STRAP: variants seen among roughly 807,000 people sequenced by gnomAD.
STRAP encodes the protein serine/threonine kinase receptor associated protein, also known as serine-threonine kinase receptor-associated protein.
Under a neutral mutation model 47.0 loss-of-function variants are expected in STRAP, and 16 were observed. The observed-to-expected ratio is 0.34, with a 90% CI of 0.23 to 0.52. The LOEUF (loss-of-function observed/expected upper bound fraction) is 0.52, where lower values mean the gene tolerates loss of function less well. Ranked by LOEUF, STRAP falls within the 20% of genes least tolerant of loss-of-function variation. The pLI is 0.96. For synonymous variants in STRAP, 130 were observed against 142.7 expected (o/e 0.91, Z 0.63); for missense variants, 293 against 420.0 (o/e 0.70, Z 2.64).
Position 15,885,488 on chromosome 12 carries a change from C to CTTTTTTTTTT in STRAP, c.248+1821_248+1830dup, listed in dbSNP as rs5796649. ...ACAGGTGTGAGCCACCGTGCCTGGC[C>CTTTTTTTTTT]TTTTTTTTTTTTTTTTTTAACAACC... On this transcript the variant is annotated intron_variant, in intron 2 of 9. Coordinates refer to ENST00000419869, the MANE Select transcript of STRAP (RefSeq NM_007178.4). Among the ~76,000 whole-genome samples, 27 of 132,466 alleles carry CTTTTTTTTTT rather than the reference C, an allele frequency of 2.0e-4. 1 individual carries two copies. The highest frequency in any genetic ancestry group is 7.7e-4 in the African/African-American group (26 of 33,942). 86.9% of individuals were successfully genotyped at this position (132,466 alleles called of 152,430 possible).
intron 2 of STRAP, 34 bp downstream of exon 2, chr12:15,883,710 C>G: frequency 6.2e-7 from 1 of 1,607,856 alleles, no homozygotes; most frequent in Middle Eastern, 1.7e-4. Context: ...CTTTGGTGTT[C>G]TCTGTAGCTT....
In STRAP at chr12:15,890,923, G is replaced by A. The variant is rs1209170119; in HGVS notation, c.403+254G>A. Among the ~76,000 whole-genome samples, 1 of 152,112 alleles carries A rather than the reference G, an allele frequency of 6.6e-6. No individual in the cohort carries two copies. The highest frequency in any genetic ancestry group is 1.5e-5 in the Non-Finnish European group (1 of 68,018). On this transcript the variant is annotated intron_variant, in intron 4 of 9. Transcript: ENST00000419869. This position sits in a 1 kb window ranked among gnomAD's most constrained non-coding sequence, Gnocchi z 4.5. ...AAAAATAGAAAAATTAGCCAGGCAT[G>A]GTGGCAGGCGCTTGTAATCCCAGCT...
In STRAP at chr12:15,887,640, C is replaced by G. The variant is rs11837012; in HGVS notation, c.249-2288C>G. Among the ~76,000 whole-genome samples the G allele has an allele frequency of 8.2e-3, 1,255 of 152,278 alleles. 17 individuals are homozygous for G. The highest frequency in any genetic ancestry group is 0.028 in the African/African-American group (1,163 of 41,558). Reference sequence around the variant, plus strand: ...GAAAAACTACAGACACATTACCTCTCTGGTTAATATTACTACTTTGGTCAC... The same window carrying G: ...GAAAAACTACAGACACATTACCTCTGTGGTTAATATTACTACTTTGGTCAC... On this transcript the variant is annotated intron_variant, in intron 2 of 9. Coordinates refer to ENST00000419869, the MANE Select transcript of STRAP (RefSeq NM_007178.4). This position sits in a 1 kb window ranked among gnomAD's most constrained non-coding sequence, Gnocchi z 5.5.
Position 15,882,568 on chromosome 12 carries a change from T to A in STRAP, c.-140T>A. ...CCTCCCTAACCTCGGTGCCACCGGA[T>A]TGCCCTTCTTTTCCTGTTGCCCAGC... is the stretch of plus-strand genomic sequence containing the variant. On this transcript the variant is annotated 5_prime_UTR_variant, in exon 1 of 10. The change creates a new upstream start codon in the 5' untranslated region. Transcript: ENST00000419869. 3.2e-6 allele frequency: 2 copies of A among 619,080 alleles called. No individual in the cohort carries two copies. The highest frequency in any genetic ancestry group is 5.6e-6 in the Non-Finnish European group (2 of 358,368). The allele number at this position is 619,080 out of a possible 1,614,324, so 38.3% of individuals were successfully genotyped here. A position where few individuals can be genotyped will look rare whatever the true frequency, so the allele number is the denominator to read the frequency against.
chr12:15,883,188 C>G, intron 1 of STRAP: 2 of 1,475,548 alleles, frequency 1.4e-6, no homozygotes, highest in Non-Finnish European at 1.8e-6. Context: ...CTTACAAAGA[C>G]GTTCGCTCTT....
chr12:15,883,637 A>G lies in STRAP; in HGVS notation c.209A>G (p.Asp70Gly), dbSNP rs1947942875. The change falls in exon 2 of 10, where the codon GAT (aspartate) becomes GGT (glycine). Residue 70 changes from aspartate (D) to glycine (G), a missense_variant. By Grantham distance (94) the Asp-to-Gly change is moderately conservative. This residue lies in a region of STRAP where 32 missense variants were observed against 76.1 expected (regional missense o/e 0.42). Coordinates refer to ENST00000419869, the MANE Select transcript of STRAP (RefSeq NM_007178.4). ...GAVWGATLNK[D>G]ATKAATAAAD... ...GTTTGGGGTGCAACACTGAATAAGG[A>G]TGCCACCAAAGCAGCTACAGCAGCT... The G allele has an allele frequency of 6.2e-7, 1 of 1,614,106 alleles. No individual in the cohort carries two copies. The highest frequency in any genetic ancestry group is 8.5e-7 in the Non-Finnish European group (1 of 1,180,038).
In STRAP at chr12:15,896,608, C is replaced by T. The variant is rs1307937833; in HGVS notation, c.638+1112C>T. Among the ~76,000 whole-genome samples the T allele has an allele frequency of 6.6e-6, 1 of 151,870 alleles. No individual in the cohort carries two copies. The highest frequency in any genetic ancestry group is 1.5e-5 in the Non-Finnish European group (1 of 67,976). On this transcript the variant is annotated intron_variant, in intron 6 of 9. Coordinates refer to ENST00000419869, the MANE Select transcript of STRAP (RefSeq NM_007178.4). The surrounding 1 kb of genome is among the most constrained non-coding windows in gnomAD (Gnocchi z 4.1). ...TGATTTGTTTAAAAATATTGTTAGC[C>T]ATTTAAAACTTCTTTGAAAACATTT... is the stretch of plus-strand genomic sequence containing the variant.
At chr12:15,888,550 G>C (rs531368529) in intron 2 of STRAP, among the ~76,000 whole-genome samples, 1 of 152,136 alleles carries the variant, frequency 6.6e-6, no homozygotes, top group Non-Finnish European at 1.5e-5. Context: ...TGTATCATGA[G>C]CATTCCTGTT....
At chr12:15,882,887 C>A in intron 1 of STRAP, 68 bp downstream of exon 1, 1 of 1,499,684 alleles carries the variant, frequency 6.7e-7, no homozygotes, top group Non-Finnish European at 9.1e-7. Context: ...GACCCGCACG[C>A]TCCAGTGCCG....
At position 15,890,054 on chromosome 12, in the gene STRAP, C is replaced by G. The variant is rs118054362; in HGVS notation, c.330+45C>G. On this transcript the variant is annotated intron_variant, in intron 3 of 9. Transcript: ENST00000419869. The surrounding 1 kb of genome is among the most constrained non-coding windows in gnomAD (Gnocchi z 4.5). ...ATTTTAGCGAGTTAAGTTGCTGGTA[C>G]ATAGTGTGATAATGCTTTTATACTT... is the stretch of plus-strand genomic sequence containing the variant. The G allele has an allele frequency of 6.6e-7, 1 of 1,524,220 alleles. No individual in the cohort carries two copies. 94.4% of individuals were successfully genotyped at this position (1,524,220 alleles called of 1,614,324 possible).
At chr12:15,895,589 T>C in intron 6 of STRAP, 93 bp downstream of exon 6, 1 of 1,404,296 alleles carries the variant, frequency 7.1e-7, no homozygotes, top group African/African-American at 1.5e-5. Flanking sequence ...TTTTTAAAAG[T>C]AAAGAGGCCA....
Position 15,896,489 on chromosome 12 carries a change from A to G in STRAP, c.638+993A>G, listed in dbSNP as rs1948061202. On this transcript the variant is annotated intron_variant, in intron 6 of 9. Coordinates refer to ENST00000419869, the MANE Select transcript of STRAP (RefSeq NM_007178.4). This position sits in a 1 kb window ranked among gnomAD's most constrained non-coding sequence, Gnocchi z 4.1. The stretch of plus-strand genomic sequence containing the variant: ...GTGCAAGAGTGATAATGGTAGTTAT[A>G]TTTTCTGCTAGTCCATTTTTCTATG... 6.6e-6 allele frequency among the ~76,000 whole-genome samples: 1 copy of G among 151,806 alleles called. No homozygotes were observed. The highest frequency in any genetic ancestry group is 2.1e-4 in the South Asian group (1 of 4,824).
intron 4 of STRAP, among the ~76,000 whole-genome samples, chr12:15,891,317 A>C (rs972638151): frequency 6.6e-6 from 1 of 152,174 alleles, no homozygotes; most frequent in Non-Finnish European, 1.5e-5. Flanking sequence ...TGATGGTGAG[A>C]ATTCTCAGTT....
intron 2 of STRAP, among the ~76,000 whole-genome samples, chr12:15,889,718 A>G (rs1295128257): frequency 6.6e-6 from 1 of 152,180 alleles, no homozygotes; most frequent in African/African-American, 2.4e-5. Flanking sequence ...TAAAGTTTTT[A>G]CAGAGAAATT....
At chr12:15,892,645 C>T (rs912765984) in intron 4 of STRAP, among the ~76,000 whole-genome samples, 1 of 152,148 alleles carries the variant, frequency 6.6e-6, no homozygotes, top group Non-Finnish European at 1.5e-5. Flanking sequence ...TTTAATGTTA[C>T]AGTAATTTGT....
At chr12:15,891,768 C>A (rs935469743) in intron 4 of STRAP, among the ~76,000 whole-genome samples, 1 of 151,990 alleles carries the variant, frequency 6.6e-6, no homozygotes, top group African/African-American at 2.4e-5. Flanking sequence ...CATGGTGAAA[C>A]CCCATCTCTA....
intron 6 of STRAP, 80 bp downstream of exon 6, chr12:15,895,576 CT>C: frequency 1.3e-6 from 2 of 1,498,882 alleles, no homozygotes; most frequent in South Asian, 1.3e-5. Flanking sequence ...AAGGTATTTA[CT>C]TTTTTTAAAA....
chr12:15,894,239 AT>A lies in STRAP; in HGVS notation c.500+98del. The A allele has an allele frequency of 1.1e-6, 1 of 918,034 alleles. No homozygotes were observed. Among genetic ancestry groups the A allele is most frequent in the Non-Finnish European group, 1.7e-6 (1 of 578,154 alleles). 56.9% of individuals were successfully genotyped at this position (918,034 alleles called of 1,614,324 possible). A position where few individuals can be genotyped will look rare whatever the true frequency, so the allele number is the denominator to read the frequency against. On this transcript the variant is annotated intron_variant, in intron 5 of 9. Transcript: ENST00000419869. The surrounding 1 kb of genome is among the most constrained non-coding windows in gnomAD (Gnocchi z 4.9). ...CTTTGGGAGGCGAGCCGGGTGGATCATTAGAGGTCAGGAGTACTAGACCAGC... is the reference window on the plus strand; with the variant it reads ...CTTTGGGAGGCGAGCCGGGTGGATCATAGAGGTCAGGAGTACTAGACCAGC...
At chr12:15,893,852 T>C (rs1240987208) in intron 4 of STRAP, among the ~76,000 whole-genome samples, 195 bp from the exon 5 acceptor site, 1 of 152,018 alleles carries the variant, frequency 6.6e-6, no homozygotes, top group Non-Finnish European at 1.5e-5. Context: ...GTCCCTGTCA[T>C]GCAGATAAAT....
Sources: allele counts gnomAD v4.1 joint callset (sites outside exome capture counted in the v4.1 genomes callset), GRCh38; gene constraint gnomAD v4.1.1; regional missense constraint gnomAD v4.1.1; non-coding constraint Gnocchi (gnomAD v3.1); transcripts MANE v1.5; gene names NCBI Gene and HGNC (gene_info 2026-07-23, HGNC 2026-07-21).